SLC9A3: variants seen among roughly 807,000 people sequenced by gnomAD.
SLC9A3 encodes the protein solute carrier family 9 member A3.
SLC9A3 carries 37 observed loss-of-function variants against 86.8 expected under a neutral mutation model. The observed-to-expected ratio is 0.43, with a 90% CI of 0.33 to 0.56. The LOEUF (loss-of-function observed/expected upper bound fraction) is 0.56, where lower values mean the gene tolerates loss of function less well. SLC9A3 is among the 20% of genes least tolerant of loss of function. SLC9A3 has a pLI of 0.06. For missense variants in SLC9A3, 1,011 were observed against 1,171.9 expected (o/e 0.86, Z 2.00); for synonymous variants, 581 against 528.3 (o/e 1.10, Z -1.37).
chr5:481,765 C>T (rs1258299731), intron 8 of SLC9A3, 130 bp from the exon 9 acceptor site: 1 of 809,426 alleles, frequency 1.2e-6, no homozygotes, highest in African/African-American at 1.7e-5. Context: ...TGGACGCAGC[C>T]TCCTCTCCCC....
At chr5:488,160 G>C (rs1017019678) in intron 3 of SLC9A3, among the ~76,000 whole-genome samples, 156 bp downstream of exon 3, 15 of 152,268 alleles carry the variant, frequency 9.9e-5, no homozygotes, top group Non-Finnish European at 1.9e-4. Context: ...GTCGTTCTGA[G>C]CTGGGAGGAA....
intron 1 of SLC9A3, among the ~76,000 whole-genome samples, chr5:504,315 G>A (rs1168054622): frequency 6.6e-6 from 1 of 152,176 alleles, no homozygotes; most frequent in African/African-American, 2.4e-5. Context: ...CCCAGGAGGT[G>A]TGACCTGCCC....
rs1212776156 is a variant in SLC9A3, at chr5:524,252, C to G, written c.71G>C (p.Arg24Pro). Residue 24 changes from arginine to proline, a missense_variant, in exon 1 of 17, where the codon CGG becomes CCG. This residue lies in a region of SLC9A3 where 49 missense variants were observed against 35.6 expected (regional missense o/e 1.38). Coordinates refer to ENST00000264938, the MANE Select transcript of SLC9A3 (RefSeq NM_004174.4). ...GGGCTCCACCTCGACGCCCCCGGCC[C>G]GCGCCAGCCCGCCCAGCGCCAGCGC... is the stretch of plus-strand genomic sequence containing the variant. The part of the protein sequence containing the change: ...LLALALGGLA[R>P]AGGVEVEPGG... 1 of 1,428,240 alleles carries G rather than the reference C, an allele frequency of 7.0e-7. No individual in the cohort carries two copies. The highest frequency in any genetic ancestry group is 9.2e-7 in the Non-Finnish European group (1 of 1,086,418). 88.5% of individuals were successfully genotyped at this position (1,428,240 alleles called of 1,614,324 possible). A position where few individuals can be genotyped will look rare whatever the true frequency, so the allele number is the denominator to read the frequency against.
Position 471,661 on chromosome 5 carries a change from T to A in SLC9A3, c.*1718A>T. The A allele has an allele frequency of 2.4e-6, 1 of 414,464 alleles. No individual in the cohort carries two copies. Among genetic ancestry groups the A allele is most frequent in the Non-Finnish European group, 4.8e-6 (1 of 206,210 alleles). The allele number at this position is 414,464 out of a possible 1,614,324, so 25.7% of individuals were successfully genotyped here. On this transcript the variant is annotated 3_prime_UTR_variant, in exon 17 of 17. Transcript: ENST00000264938. The stretch of plus-strand genomic sequence containing the variant: ...TTGCTGCATAGAGGATGGCTGCATT[T>A]TGTGCTCAGAGTTGGTTGAAATGGC...
chr5:477,567 C>T (rs1052114422), intron 10 of SLC9A3, 123 bp from the exon 11 acceptor site: 38 of 612,122 alleles, frequency 6.2e-5, no homozygotes, highest in Middle Eastern at 4.2e-4. Flanking sequence ...ACCTGAGCCC[C>T]GGGTTCACGC....
Position 483,338 on chromosome 5 carries a change from C to T in SLC9A3, c.1077G>A (p.Val359=). The T allele has an allele frequency of 6.4e-7, 1 of 1,566,716 alleles. No individual in the cohort carries two copies. Among genetic ancestry groups the T allele is most frequent in the Non-Finnish European group, 8.6e-7 (1 of 1,156,370 alleles). ...TGTTCCAGGTCCAGATGAACGGGTT[C>T]ACGGCCGAGATACCCAGGAACATGA... ...IIFMFLGISA[V]NPFIWTWNTA... is the part of the protein sequence containing the mutation. The change falls in exon 6 of 17, where the codon GTG becomes GTA. Residue 359 remains valine (V), a synonymous_variant. Transcript: ENST00000264938.
At position 480,002 on chromosome 5, in the gene SLC9A3, C is replaced by T. The variant is rs758724020; in HGVS notation, c.1518-37G>A. On this transcript the variant is annotated intron_variant, in intron 9 of 16. Coordinates refer to ENST00000264938, the MANE Select transcript of SLC9A3 (RefSeq NM_004174.4). ...GACCTTGGGTGTGAGCCTCAGGTGA[C>T]AGGCGCCCTAGAGCCCGCCGGACGC... is the stretch of plus-strand genomic sequence containing the variant. The T allele has an allele frequency of 3.7e-6, 6 of 1,600,120 alleles. No individual in the cohort carries two copies. The East Asian group carries it at 9.0e-5, about 24-fold the overall frequency.
chr5:489,139 G>A (rs540937481), intron 2 of SLC9A3, among the ~76,000 whole-genome samples: 4 of 152,162 alleles, frequency 2.6e-5, no homozygotes, highest in African/African-American at 7.2e-5. Flanking sequence ...AGGAGGCCAC[G>A]TGGGGGTGCC....
At chr5:498,434 G>A (rs749483583) in intron 1 of SLC9A3, among the ~76,000 whole-genome samples, 6 of 152,112 alleles carry the variant, frequency 3.9e-5, no homozygotes, top group Admixed American at 1.3e-4. Context: ...ACATCATCTC[G>A]TTCTGTCACC....
At chr5:501,841 C>T (rs892499671) in intron 1 of SLC9A3, among the ~76,000 whole-genome samples, 10 of 152,186 alleles carry the variant, frequency 6.6e-5, no homozygotes, top group African/African-American at 1.9e-4. Flanking sequence ...CGTGACCCCA[C>T]GCGTCCCTGC....
chr5:485,326 GC>G, intron 3 of SLC9A3, 95 bp from the exon 4 acceptor site: 1 of 981,024 alleles, frequency 1.0e-6, no homozygotes, highest in Non-Finnish European at 1.6e-6. Context: ...CGAGTGTGGA[GC>G]CCATGGCACC....
At chr5:510,941 T>C (rs1435925047) in intron 1 of SLC9A3, among the ~76,000 whole-genome samples, 3 of 152,260 alleles carry the variant, frequency 2.0e-5, no homozygotes, top group Non-Finnish European at 4.4e-5. Flanking sequence ...GGTCTTCCTG[T>C]GTCTCCCCTG....
rs372868446 is a variant in SLC9A3 at position 500,730 on chromosome 5, G to A, written c.212-8659C>T. 1.9e-4 allele frequency among the ~76,000 whole-genome samples: 28 copies of A among 145,508 alleles called. No homozygotes were observed. In the South Asian group the frequency reaches 4.7e-3, roughly 25 times the overall value. On this transcript the variant is annotated intron_variant, in intron 1 of 16. Transcript: ENST00000264938. ...GTGGATGGGGCTGGTGGGTGTGGAC[G>A]GGGCTGGTGTGGACGGGGTCAGTGT...
intron 1 of SLC9A3, among the ~76,000 whole-genome samples, chr5:512,081 A>T (rs568086828): frequency 6.6e-6 from 1 of 152,352 alleles, no homozygotes; most frequent in African/African-American, 2.4e-5. Context: ...CAGTAGAAAG[A>T]TCAGTGGTTG....
intron 1 of SLC9A3, among the ~76,000 whole-genome samples, chr5:503,517 T>C (rs1740403542): frequency 6.6e-6 from 1 of 152,190 alleles, no homozygotes; most frequent in African/African-American, 2.4e-5. Context: ...GCCCCCATCC[T>C]TGCCCAGAAA....
rs1440536206 is a variant in SLC9A3, at chr5:491,426, GTCC to G, written c.514+340_514+342del. ...GGTGCCCGATACACCAGGCTCTGCA[GTCC>G]TCCTCCTCTCCCTGGGACCTGGTGG... On this transcript the variant is annotated intron_variant, in intron 2 of 16. Coordinates refer to ENST00000264938, the MANE Select transcript of SLC9A3 (RefSeq NM_004174.4). This position sits in a 1 kb window ranked among gnomAD's most constrained non-coding sequence, Gnocchi z 9.2. 6.6e-6 allele frequency among the ~76,000 whole-genome samples: 1 copy of G among 152,180 alleles called. No individual in the cohort carries two copies.
Position 485,160 on chromosome 5 carries a change from C to T in SLC9A3, c.747G>A (p.Lys249=). Residue 249 remains lysine (K), a synonymous_variant, in exon 4 of 17, where the codon AAG becomes AAA. Transcript: ENST00000264938. The part of the protein sequence containing the change: ...GDNVTGVDCV[K]GIVSFFVVSL... Reference sequence around the variant, plus strand: ...TGACCCACAGCTACACACCTATGCCCTTCACGCAGTCCACGCCAGTCACGT... The same window carrying T: ...TGACCCACAGCTACACACCTATGCCTTTCACGCAGTCCACGCCAGTCACGT... 3 of 1,613,270 alleles carry T rather than the reference C, an allele frequency of 1.9e-6. No individual in the cohort carries two copies. Among genetic ancestry groups the T allele is most frequent in the East Asian group, 2.2e-5 (1 of 44,892 alleles).
At chr5:481,831 A>C (rs1344017265) in intron 8 of SLC9A3, among the ~76,000 whole-genome samples, 196 bp from the exon 9 acceptor site, 14 of 75,694 alleles carry the variant, frequency 1.8e-4, no homozygotes, top group African/African-American at 7.8e-4. Context: ...CAAGCCCCAG[A>C]CCAACGCAGC....
chr5:479,764 G>GCC (rs5865334), intron 10 of SLC9A3, 72 bp downstream of exon 10: 7 of 1,545,456 alleles, frequency 4.5e-6, no homozygotes, highest in Non-Finnish European at 5.3e-6. Flanking sequence ...TCTCCTCACT[G>GCC]CCCCATGGCA....
Sources: allele counts gnomAD v4.1 joint callset (sites outside exome capture counted in the v4.1 genomes callset), GRCh38; gene constraint gnomAD v4.1.1; regional missense constraint gnomAD v4.1.1; non-coding constraint Gnocchi (gnomAD v3.1); transcripts MANE v1.5; gene names NCBI Gene and HGNC (gene_info 2026-07-23, HGNC 2026-07-21).